Variants in JAK2 observed in about 807,000 individuals in gnomAD.
The protein encoded by JAK2 is Janus kinase 2, also known as tyrosine-protein kinase JAK2.
JAK2 carries 86 observed loss-of-function variants against 139.3 expected under a neutral mutation model. The observed-to-expected ratio is 0.62, with a 90% confidence interval of 0.52 to 0.74. JAK2 has a LOEUF of 0.74. Ranked by LOEUF, JAK2 falls within the 30% of genes least tolerant of loss-of-function variation. The pLI, the probability that JAK2 is intolerant of heterozygous loss-of-function variation, is 0.00. For missense variants in JAK2, 1,421 were observed against 1,360.3 expected, an observed-to-expected ratio of 1.04 and a Z score of -0.70; for synonymous variants, 490 against 437.7, an observed-to-expected ratio of 1.12 and a Z score of -1.49.
intron 19 of JAK2, 149 bp from the exon 20 acceptor site, chr9:5,089,525 G>C (rs191932520): frequency 5.7e-6 from 2 of 350,992 alleles, no homozygotes; most frequent in East Asian, 4.3e-5. Context: ...GTGACAGAGC[G>C]AGACTTCGTC....
chr9:5,006,686 T>C (rs1821323051), intron 2 of JAK2, among the ~76,000 whole-genome samples: 1 of 152,168 alleles, frequency 6.6e-6, no homozygotes, highest in Non-Finnish European at 1.5e-5. Flanking sequence ...CCAGATCTCA[T>C]GCAAACTCAC....
chr9:5,052,830 A>G (rs1817514135), intron 6 of JAK2, among the ~76,000 whole-genome samples: 1 of 151,950 alleles, frequency 6.6e-6, no homozygotes, highest in South Asian at 2.1e-4. Context: ...TCAGTACTTC[A>G]TTTCTTTTTA....
chr9:5,022,347 T>C (rs1447305456), intron 3 of JAK2, 134 bp downstream of exon 3: 2 of 589,960 alleles, frequency 3.4e-6, no homozygotes, highest in African/African-American at 1.9e-5. Context: ...TGTTTTCACA[T>C]GCATAGAAAA....
At chr9:5,068,303 G>C (rs1043763202) in intron 10 of JAK2, among the ~76,000 whole-genome samples, 3 of 151,964 alleles carry the variant, frequency 2.0e-5, no homozygotes, top group African/African-American at 7.3e-5. Context: ...CTTAAAAATA[G>C]GTGAACAAGT....
chr9:4,990,440 G>C (rs1045808632), intron 2 of JAK2, among the ~76,000 whole-genome samples: 10 of 152,176 alleles, frequency 6.6e-5, no homozygotes, highest in Admixed American at 2.6e-4. Context: ...TGTTGAGTTT[G>C]CGGTGGCCGT....
At chr9:5,023,776 G>C (rs1369432784) in intron 3 of JAK2, among the ~76,000 whole-genome samples, 1 of 152,120 alleles carries the variant, frequency 6.6e-6, no homozygotes, top group South Asian at 2.1e-4. Flanking sequence ...GTGGGGAAGT[G>C]GATATGAGAG....
chr9:5,040,834 C>A (rs1313274205), intron 4 of JAK2: 1 of 210,752 alleles, frequency 4.7e-6, no homozygotes, highest in Non-Finnish European at 9.7e-6. Context: ...GAGTGGGGCG[C>A]CAGAGCCCCA....
In JAK2 at chr9:5,078,427, C is replaced by A. The variant is rs751875095; in HGVS notation, c.2114C>A (p.Thr705Lys). 1.9e-6 allele frequency: 3 copies of A among 1,612,350 alleles called. No homozygotes were observed. The highest frequency in any genetic ancestry group is 2.5e-6 in the Non-Finnish European group (3 of 1,178,988). Residue 705 changes from threonine (T) to lysine (K), a missense_variant, in exon 16 of 25, where the codon ACA (threonine) becomes AAA (lysine). By Grantham distance (78) the Thr-to-Lys change is moderately conservative. Coordinates refer to ENST00000381652, the MANE Select transcript of JAK2 (RefSeq NM_004972.4). Reference sequence around the variant, plus strand: ...CTTAGTGATCCTGGCATTAGTATTACAGTTTTGCCAAAGGACAGTAAGTTC... The same window carrying A: ...CTTAGTGATCCTGGCATTAGTATTAAAGTTTTGCCAAAGGACAGTAAGTTC... ...IKLSDPGISI[T>K]VLPKDILQER...
intron 2 of JAK2, among the ~76,000 whole-genome samples, chr9:5,005,003 A>G (rs1210824788): frequency 7.3e-6 from 1 of 136,318 alleles, no homozygotes; most frequent in Admixed American, 7.8e-5. Context: ...TGCAGCCTTG[A>G]CCTCCCAAGC....
chr9:5,068,063 G>C (rs892679943), intron 10 of JAK2, among the ~76,000 whole-genome samples: 5 of 152,004 alleles, frequency 3.3e-5, no homozygotes, highest in African/African-American at 1.2e-4. Flanking sequence ...GGGAGGCTGA[G>C]GTAGGAGAAG....
At chr9:5,111,925 C>G (rs374395096) in intron 22 of JAK2, 7 of 350,020 alleles carry the variant, frequency 2.0e-5, no homozygotes, top group Admixed American at 3.6e-5. Context: ...TCAATCTACT[C>G]TCCGGATCAC....
At chr9:5,000,627 T>C (rs1820871965) in intron 2 of JAK2, among the ~76,000 whole-genome samples, 2 of 152,212 alleles carry the variant, frequency 1.3e-5, no homozygotes, top group South Asian at 2.1e-4. Flanking sequence ...TTATGTTTCA[T>C]CATGGCCAAT....
At chr9:5,064,544 A>G (rs1239497089) in intron 8 of JAK2, among the ~76,000 whole-genome samples, 2 of 152,112 alleles carry the variant, frequency 1.3e-5, no homozygotes, top group Non-Finnish European at 1.5e-5. Context: ...AAAAAAAGAA[A>G]AAAGGAAATG....
At chr9:5,013,321 G>A (rs1821823442) in intron 2 of JAK2, among the ~76,000 whole-genome samples, 1 of 151,992 alleles carries the variant, frequency 6.6e-6, no homozygotes, top group Non-Finnish European at 1.5e-5. Context: ...AATAATTGTA[G>A]GAAAAACATA....
At chr9:4,991,619 A>G (rs1283120231) in intron 2 of JAK2, among the ~76,000 whole-genome samples, 1 of 152,182 alleles carries the variant, frequency 6.6e-6, no homozygotes, top group East Asian at 1.9e-4. Context: ...ACATGGTAAA[A>G]TGTGTATAAA....
chr9:5,118,845 A>C (rs758692726), intron 22 of JAK2, among the ~76,000 whole-genome samples: 16 of 152,214 alleles, frequency 1.1e-4, no homozygotes, highest in Non-Finnish European at 2.2e-4. Flanking sequence ...TTTCAATTTT[A>C]TTAAAAGCAG....
chr9:5,105,746 A>G (rs1234434535), intron 22 of JAK2, among the ~76,000 whole-genome samples: 1 of 152,246 alleles, frequency 6.6e-6, no homozygotes, highest in East Asian at 1.9e-4. Flanking sequence ...CAGAGGCCTC[A>G]GAAATAACAC....
rs55873896 is a variant in JAK2 at position 5,090,810 on chromosome 9, C to G, written c.2958C>G (p.Asn986Lys). ...DLATRNILVE[N>K]ENRVKIGDFG... Reference sequence around the variant, plus strand: ...CAACGAGAAATATATTGGTGGAGAACGAGAACAGAGTTAAAATTGGAGATT... The same window carrying G: ...CAACGAGAAATATATTGGTGGAGAAGGAGAACAGAGTTAAAATTGGAGATT... Residue 986 changes from asparagine to lysine, a missense_variant, in exon 22 of 25, where the codon AAC becomes AAG. Transcript: ENST00000381652. 1.9e-6 allele frequency: 3 copies of G among 1,613,174 alleles called. No homozygotes were observed. The East Asian group carries it at 6.7e-5, about 36-fold the overall frequency.
At chr9:5,090,420 C>A in intron 20 of JAK2, 26 bp from the exon 21 acceptor site, 1 of 1,480,982 alleles carries the variant, frequency 6.8e-7, no homozygotes, top group Non-Finnish European at 9.1e-7. Context: ...CAGAGTAAAA[C>A]ATTATTTCCA....
Sources: allele counts gnomAD v4.1 joint callset (sites outside exome capture counted in the v4.1 genomes callset), GRCh38; gene constraint gnomAD v4.1.1; transcripts MANE v1.5; gene names NCBI Gene and HGNC (gene_info 2026-07-23, HGNC 2026-07-21).